UGDH: variants seen among roughly 807,000 people sequenced by gnomAD.
UGDH encodes the protein UDP-glucose 6-dehydrogenase, also known as UDP-Glc dehydrogenase.
Under a neutral mutation model 50.6 loss-of-function variants are expected in UGDH, and 38 were observed. The ratio of observed to expected loss-of-function variants is 0.75; its 90% CI spans 0.58 to 0.98. The LOEUF (loss-of-function observed/expected upper bound fraction) is 0.98, where lower values mean the gene tolerates loss of function less well. Among genes scored for constraint, UGDH ranks in the 50% least tolerant of loss-of-function variants. UGDH has a pLI of 0.00. For synonymous variants in UGDH, 168 were observed against 199.9 expected (o/e 0.84, Z 1.35); for missense variants, 465 against 606.2 (o/e 0.77, Z 2.45).
At position 39,500,256 on chromosome 4, in the gene UGDH, GAA is replaced by G; in HGVS notation, c.1375-5_1375-4del. The G allele has an allele frequency of 1.3e-6, 2 of 1,508,252 alleles. No homozygotes were observed. The highest frequency in any genetic ancestry group is 9.0e-7 in the Non-Finnish European group (1 of 1,111,362). 93.4% of individuals were successfully genotyped at this position (1,508,252 alleles called of 1,614,324 possible). Reference sequence around the variant, plus strand: ...ACCTTTTTGCCAATTGTTTCAATCTGAAAAAAAAATAAAATTTAAGAGAACTA... The same window carrying G: ...ACCTTTTTGCCAATTGTTTCAATCTGAAAAAAATAAAATTTAAGAGAACTA... On this transcript the variant is annotated splice_polypyrimidine_tract_variant and splice_region_variant and intron_variant, in intron 11 of 11. Coordinates refer to ENST00000316423, the MANE Select transcript of UGDH (RefSeq NM_003359.4).
At chr4:39,509,690 G>T in intron 6 of UGDH, 70 bp downstream of exon 6, 1 of 1,523,724 alleles carries the variant, frequency 6.6e-7, no homozygotes, top group Non-Finnish European at 8.8e-7. Context: ...TAAAGCGCTG[G>T]TACCAGCAAA....
At chr4:39,514,219 G>A (rs769390055) in intron 2 of UGDH, 35 bp from the exon 3 acceptor site, 3 of 1,457,630 alleles carry the variant, frequency 2.1e-6, no homozygotes, top group Admixed American at 4.4e-5. Flanking sequence ...TGTACATATA[G>A]CTTGCCAGTG....
At chr4:39,517,276 C>T (rs963983184) in intron 2 of UGDH, among the ~76,000 whole-genome samples, 3 of 150,720 alleles carry the variant, frequency 2.0e-5, no homozygotes, top group African/African-American at 7.3e-5. Flanking sequence ...GATCTCGGCT[C>T]ACTGCAACCT....
chr4:39,525,512 C>CTTTTT (rs559859570), intron 1 of UGDH, among the ~76,000 whole-genome samples: 1 of 142,346 alleles, frequency 7.0e-6, no homozygotes, highest in Admixed American at 7.1e-5. Context: ...TTTTCTTTTT[C>CTTTTT]TTTTTTTTTT....
intron 11 of UGDH, among the ~76,000 whole-genome samples, chr4:39,501,378 A>G (rs1745809108): frequency 6.7e-6 from 1 of 149,928 alleles, no homozygotes; most frequent in African/African-American, 2.5e-5. Flanking sequence ...GGTTCACACC[A>G]TTCTCCTGCC....
chr4:39,510,782 C>G lies in UGDH; in HGVS notation c.344G>C (p.Arg115Pro). 1 of 1,614,200 alleles carries G rather than the reference C, an allele frequency of 6.2e-7. No individual in the cohort carries two copies. The highest frequency in any genetic ancestry group is 8.5e-7 in the Non-Finnish European group (1 of 1,180,044). Residue 115 changes from arginine to proline, a missense_variant, in exon 4 of 12, where the codon CGC becomes CCC. By Grantham distance (103) the Arg-to-Pro change is moderately radical. Coordinates refer to ENST00000316423, the MANE Select transcript of UGDH (RefSeq NM_003359.4). The part of the protein sequence containing the change: ...DLKYIEACAR[R>P]IVQNSNGYKI... ...GTACCCATTTGAGTTTTGCACAATGCGTCTAGCACAAGCTTCAATATACTT... is the reference window on the plus strand; with the variant it reads ...GTACCCATTTGAGTTTTGCACAATGGGTCTAGCACAAGCTTCAATATACTT...
intron 7 of UGDH, among the ~76,000 whole-genome samples, chr4:39,506,455 A>C (rs1308968326): frequency 1.3e-5 from 2 of 152,192 alleles, no homozygotes; most frequent in African/African-American, 4.8e-5. Context: ...ACAAGCAATG[A>C]AACCCCAAAG....
chr4:39,525,761 G>A (rs1389332659), intron 1 of UGDH, among the ~76,000 whole-genome samples: 1 of 151,628 alleles, frequency 6.6e-6, no homozygotes, highest in Admixed American at 6.6e-5. Context: ...CGCCCGTCTC[G>A]GCCTCCCAAA....
At chr4:39,526,681 G>T (rs1407134826) in intron 1 of UGDH, 10 of 181,992 alleles carry the variant, frequency 5.5e-5, no homozygotes, top group Non-Finnish European at 5.9e-5. Flanking sequence ...CACAAACATG[G>T]TCTCCCGAGG....
At chr4:39,508,464 C>T in intron 7 of UGDH, 102 bp downstream of exon 7, 1 of 1,162,770 alleles carries the variant, frequency 8.6e-7, no homozygotes, top group Non-Finnish European at 1.2e-6. Flanking sequence ...AAATTCCTGG[C>T]CTCAAGTGAT....
At chr4:39,511,265 CTT>C (rs200878844) in intron 3 of UGDH, among the ~76,000 whole-genome samples, 16 of 141,560 alleles carry the variant, frequency 1.1e-4, no homozygotes, top group East Asian at 1.0e-3. Context: ...GTTTTAAAGT[CTT>C]TTTTTTTTTT....
At chr4:39,514,428 T>C (rs1402032989) in intron 2 of UGDH, among the ~76,000 whole-genome samples, 1 of 151,734 alleles carries the variant, frequency 6.6e-6, no homozygotes. Flanking sequence ...AGTGGTGCAA[T>C]CTCAGCTCAC....
chr4:39,510,503 G>A lies in UGDH; in HGVS notation c.513C>T (p.Asp171=), dbSNP rs754352113. Residue 171 remains aspartate (D), a synonymous_variant, in exon 5 of 12, where the codon GAC becomes GAT. Transcript: ENST00000316423. ...EFLAEGTAIK[D]LKNPDRVLIG... ...TCAGTACTCTGTCTGGGTTCTTTAG[G>A]TCCTTGATGGCTGTTCCCTCTGCCA... 2 of 1,614,094 alleles carry A rather than the reference G, an allele frequency of 1.2e-6. No homozygotes were observed. The highest frequency in any genetic ancestry group is 2.7e-5 in the African/African-American group (2 of 75,028).
intron 2 of UGDH, 24 bp downstream of exon 2, chr4:39,521,327 C>A: frequency 3.2e-6 from 5 of 1,562,088 alleles, no homozygotes; most frequent in Admixed American, 1.9e-5. Flanking sequence ...AGCATAAAAA[C>A]AAAGAGATGT....
chr4:39,515,985 C>A (rs949360638), intron 2 of UGDH, among the ~76,000 whole-genome samples: 1 of 152,194 alleles, frequency 6.6e-6, no homozygotes, highest in African/African-American at 2.4e-5. Context: ...CAGGCATGAG[C>A]CACTGTGCCT....
intron 5 of UGDH, 27 bp from the exon 6 acceptor site, chr4:39,509,934 G>A (rs1237439563): frequency 1.3e-6 from 2 of 1,567,028 alleles, no homozygotes; most frequent in Non-Finnish European, 1.7e-6. Flanking sequence ...ATAGAGAAGA[G>A]TAAGATAAGC....
chr4:39,513,531 CTTTTTTTTTTTTTT>C (rs10707997), intron 3 of UGDH, among the ~76,000 whole-genome samples: 25 of 88,010 alleles, frequency 2.8e-4, no homozygotes, highest in Admixed American at 7.6e-4. Context: ...TTTCCTAGTT[CTTTTTTTTTTTTTT>C]TTTTTTTTTT....
chr4:39,503,464 A>T (rs1032224678), intron 11 of UGDH, among the ~76,000 whole-genome samples: 4 of 152,198 alleles, frequency 2.6e-5, no homozygotes, highest in African/African-American at 9.7e-5. Context: ...TAGGATGAAC[A>T]CCTGCTGATT....
intron 11 of UGDH, among the ~76,000 whole-genome samples, chr4:39,502,317 GA>G (rs1286493392): frequency 6.6e-6 from 1 of 152,202 alleles, no homozygotes; most frequent in Non-Finnish European, 1.5e-5. Flanking sequence ...GATGCCATTT[GA>G]TTCTTTCCAC....
Sources: gnomAD v4.1 joint callset for allele counts (sites outside exome capture counted in the v4.1 genomes callset) on GRCh38, gnomAD v4.1.1 for gene constraint, MANE v1.5 for transcripts, NCBI Gene and HGNC (gene_info 2026-07-23, HGNC 2026-07-21) for gene names.